The following ANKRD26 variants were observed in gnomAD, a reference collection of about 807,000 sequenced individuals.
The protein encoded by ANKRD26 is ankyrin repeat domain 26, also known as ankyrin repeat domain-containing protein 26.
Under a neutral mutation model 208.7 loss-of-function variants are expected in ANKRD26, and 141 were observed. That is an observed-to-expected ratio of 0.68 (90% CI 0.59 to 0.78). ANKRD26 has a LOEUF of 0.78. ANKRD26 is among the 30% of genes least tolerant of loss of function. ANKRD26 has a pLI of 0.00. For missense variants in ANKRD26, 1,889 were observed against 1,938.7 expected, an observed-to-expected ratio of 0.97 and a Z score of 0.48; for synonymous variants, 636 against 660.4, an observed-to-expected ratio of 0.96 and a Z score of 0.57.
intron 1 of ANKRD26, among the ~76,000 whole-genome samples, chr10:27,099,231 T>C (rs1477701353): frequency 1.3e-5 from 2 of 152,110 alleles, no homozygotes; most frequent in Non-Finnish European, 2.9e-5. Flanking sequence ...CCTCAGGATA[T>C]CCGCTTGCCT....
chr10:26,997,244 T>C (rs545177363), intron 4 of ANKRD26, among the ~76,000 whole-genome samples: 1 of 152,286 alleles, frequency 6.6e-6, no homozygotes, highest in African/African-American at 2.4e-5. Context: ...AAACCTGAGA[T>C]AGTTTTTCTA....
intron 15 of ANKRD26, among the ~76,000 whole-genome samples, chr10:27,057,899 C>T (rs1229065918): frequency 2.7e-5 from 4 of 150,094 alleles, no homozygotes; most frequent in Admixed American, 2.0e-4. Flanking sequence ...ATCGTGCCAC[C>T]GCACTCCAGC....
chr10:27,002,246 C>T (rs868048286), downstream of ANKRD26, among the ~76,000 whole-genome samples: 3 of 151,962 alleles, frequency 2.0e-5, no homozygotes, highest in East Asian at 1.9e-4. Context: ...GCTTAGGGGC[C>T]GGGACACAAG....
chr10:27,081,722 A>G (rs1254030161), intron 6 of ANKRD26, among the ~76,000 whole-genome samples: 1 of 152,146 alleles, frequency 6.6e-6, no homozygotes, highest in Non-Finnish European at 1.5e-5. Context: ...AATGTGGTAT[A>G]AATATTCCAT....
chr10:27,092,652 C>T, intron 3 of ANKRD26, 140 bp from the exon 4 acceptor site: 1 of 685,998 alleles, frequency 1.5e-6, no homozygotes, highest in Non-Finnish European at 2.5e-6. Flanking sequence ...TTGGAAACAC[C>T]CCTCCTCTGC....
chr10:27,032,764 G>A (rs1053328595), intron 25 of ANKRD26, among the ~76,000 whole-genome samples: 2 of 151,562 alleles, frequency 1.3e-5, no homozygotes, highest in African/African-American at 4.9e-5. Context: ...GCAGTGAGCT[G>A]AGACAGTGCC....
chr10:27,062,323 C>A (rs914715803), intron 12 of ANKRD26: 2 of 632,912 alleles, frequency 3.2e-6, no homozygotes, highest in African/African-American at 4.0e-5. Context: ...TCCTGTTATG[C>A]CTTGAATTAT....
At chr10:27,020,685 T>C (rs1206810537) in intron 29 of ANKRD26, among the ~76,000 whole-genome samples, 1 of 152,130 alleles carries the variant, frequency 6.6e-6, no homozygotes, top group Admixed American at 6.6e-5. Context: ...TGAGACAGAG[T>C]TTCACTCTTG....
the ANKRD26 span, among the ~76,000 whole-genome samples, chr10:26,968,063 C>T: frequency 6.6e-6 from 1 of 152,102 alleles, no homozygotes; most frequent in Non-Finnish European, 1.5e-5. Flanking sequence ...TCCTGCTTTC[C>T]AACACTTCAG....
At chr10:27,008,880 C>T (rs994254189) in intron 32 of ANKRD26, among the ~76,000 whole-genome samples, 1 of 152,138 alleles carries the variant, frequency 6.6e-6, no homozygotes, top group Non-Finnish European at 1.5e-5. Flanking sequence ...CACTCTGTTG[C>T]CCAGGCTTGA....
intron 5 of ANKRD26, among the ~76,000 whole-genome samples, chr10:27,084,428 T>C (rs2056041295): frequency 6.6e-6 from 1 of 152,210 alleles, no homozygotes; most frequent in African/African-American, 2.4e-5. Context: ...ATCTGTTCCA[T>C]ATTCATATTT....
At chr10:27,029,471 T>C in intron 25 of ANKRD26, 115 bp from the exon 26 acceptor site, 2 of 961,960 alleles carry the variant, frequency 2.1e-6, no homozygotes, top group Middle Eastern at 2.7e-4. Flanking sequence ...TCAATATGCA[T>C]ATTGTTTATG....
At chr10:26,951,695 G>T in the ANKRD26 span, among the ~76,000 whole-genome samples, 14 of 152,136 alleles carry the variant, frequency 9.2e-5, no homozygotes, top group African/African-American at 3.1e-4. Context: ...TATCTTAGTG[G>T]TTTTGCTGTT....
At chr10:27,051,875 A>G (rs1234912199) in intron 16 of ANKRD26, 1 of 985,234 alleles carries the variant, frequency 1.0e-6, no homozygotes, top group African/African-American at 1.7e-5. Context: ...TGTATTTTTC[A>G]CAAGTTTCAC....
At chr10:27,042,606 T>C (rs1388261667) in intron 20 of ANKRD26, among the ~76,000 whole-genome samples, 1 of 151,826 alleles carries the variant, frequency 6.6e-6, no homozygotes, top group Non-Finnish European at 1.5e-5. Flanking sequence ...ACAAAAAGTT[T>C]GCCAGGCTTG....
chr10:26,998,077 C>G (rs1175776738), intron 4 of ANKRD26, among the ~76,000 whole-genome samples: 3 of 152,126 alleles, frequency 2.0e-5, no homozygotes, highest in Non-Finnish European at 4.4e-5. Context: ...TTATCATAGC[C>G]CAGGATAACT....
intron 5 of ANKRD26, among the ~76,000 whole-genome samples, chr10:26,993,052 G>T (rs1479571719): frequency 6.6e-6 from 1 of 152,126 alleles, no homozygotes; most frequent in Non-Finnish European, 1.5e-5. Flanking sequence ...ATTTGTTAAG[G>T]CCTCTGTATG....
chr10:27,003,563 C>A (rs951133130), downstream of ANKRD26, among the ~76,000 whole-genome samples: 1 of 152,098 alleles, frequency 6.6e-6, no homozygotes, highest in African/African-American at 2.4e-5. Flanking sequence ...AGTAGCTTAA[C>A]CATGGACAAA....
intron 4 of ANKRD26, among the ~76,000 whole-genome samples, chr10:26,997,143 C>G (rs1263569782): frequency 6.6e-6 from 1 of 152,004 alleles, no homozygotes; most frequent in Non-Finnish European, 1.5e-5. Flanking sequence ...ATATTAGGAA[C>G]ATGTGGGACA....
Sources: gnomAD v4.1 joint callset for allele counts (sites outside exome capture counted in the v4.1 genomes callset) on GRCh38, gnomAD v4.1.1 for gene constraint, MANE v1.5 for transcripts, NCBI Gene and HGNC (gene_info 2026-07-23, HGNC 2026-07-21) for gene names.